DSC1: variants seen among roughly 807,000 people sequenced by gnomAD.
DSC1 encodes the protein desmocollin 1.
In DSC1, 79 loss-of-function variants were observed where a neutral mutation model predicts 98.8. That is an observed-to-expected ratio of 0.80 (90% CI 0.67 to 0.96). The LOEUF (loss-of-function observed/expected upper bound fraction) is 0.96. DSC1 is among the 50% of genes least tolerant of loss of function. The pLI is 0.00. For missense variants in DSC1, 1,115 were observed against 1,075.9 expected (o/e 1.04, Z -0.51); for synonymous variants, 405 against 372.1 (o/e 1.09, Z -1.02).
intron 6 of DSC1, among the ~76,000 whole-genome samples, 194 bp downstream of exon 6, chr18:31,148,302 AGT>A (rs1988888887): frequency 6.6e-6 from 1 of 152,196 alleles, no homozygotes; most frequent in Non-Finnish European, 1.5e-5. Flanking sequence ...AATTTAAGAA[AGT>A]GTGCTCAGAG....
At position 31,132,559 on chromosome 18, in the gene DSC1, C is replaced by T. The variant is rs756230355; in HGVS notation, c.2238+9G>A. 3.7e-6 allele frequency: 6 copies of T among 1,612,262 alleles called. No individual in the cohort carries two copies. In the Admixed American group the frequency reaches 1.0e-4, roughly 27 times the overall value. ...CGTACAATTCAAAGGGATGTGAAAT[C>T]TGATTTACCGTTACTTCTTCTCCAG... On this transcript the variant is annotated intron_variant, in intron 14 of 15. Transcript: ENST00000257198.
At position 31,140,140 on chromosome 18, in the gene DSC1, T is replaced by A; in HGVS notation, c.1422A>T (p.Pro474=). The A allele has an allele frequency of 6.2e-7, 1 of 1,614,028 alleles. No individual in the cohort carries two copies. Among genetic ancestry groups the A allele is most frequent in the Non-Finnish European group, 8.5e-7 (1 of 1,179,934 alleles). The change falls in exon 10 of 16, where the codon CCA becomes CCT. Residue 474 remains proline, a synonymous_variant. Transcript: ENST00000257198. ...DSDEGPECHP[P]VKVIQSQDGF... ...CATCTTGACTCTGAATAACTTTCAC[T>A]GGAGGGTGGCATTCAGGGCCCTCAT...
intron 9 of DSC1, among the ~76,000 whole-genome samples, chr18:31,141,101 A>G (rs1409480221): frequency 1.3e-5 from 2 of 152,172 alleles, no homozygotes; most frequent in African/African-American, 4.8e-5. Flanking sequence ...AAGTCCAATT[A>G]AACCTCTTTT....
rs763321997 is a variant in DSC1 at position 31,139,868 on chromosome 18, C to T, written c.1543G>A (p.Asp515Asn). 4.4e-6 allele frequency: 7 copies of T among 1,609,148 alleles called. No homozygotes were observed. In the Admixed American group the frequency reaches 1.2e-4, roughly 28 times the overall value. ...GLRYQKLGDE[D>N]NWFEINQHTG... ...TGTTGATTAATTTCAAACCAGTTAT[C>T]TTCATCCCCTAACTTCTGATACCTA... The change falls in exon 11 of 16, where the codon GAT becomes AAT. Residue 515 changes from aspartate to asparagine, a missense_variant. By Grantham distance (23) the Asp-to-Asn change is conservative (BLOSUM62 1). Transcript: ENST00000257198.
At position 31,148,626 on chromosome 18, in the gene DSC1, G is replaced by A. The variant is rs1374388163; in HGVS notation, c.644C>T (p.Thr215Ile). 2 of 1,592,622 alleles carry A rather than the reference G, an allele frequency of 1.3e-6. No individual in the cohort carries two copies. The highest frequency in any genetic ancestry group is 1.3e-5 in the African/African-American group (1 of 74,590). ...YEQFALYGYA[T>I]TADGYAPEYP... ...TTCTGGTGCATAGCCATCTGCAGTT[G>A]TTGCATAGCCATATAACTGAAAGAA... Residue 215 changes from threonine (T) to isoleucine (I), a missense_variant, in exon 6 of 16, where the codon ACA (threonine) becomes ATA (isoleucine). Coordinates refer to ENST00000257198, the MANE Select transcript of DSC1 (RefSeq NM_024421.2).
At chr18:31,157,081 G>C (rs970138948) in intron 3 of DSC1, among the ~76,000 whole-genome samples, 3 of 152,098 alleles carry the variant, frequency 2.0e-5, no homozygotes, top group African/African-American at 4.8e-5. Context: ...TCTTGTCCTT[G>C]CTCCTCAGGT....
At chr18:31,139,600 T>C in intron 11 of DSC1, 148 bp downstream of exon 11, 1 of 823,870 alleles carries the variant, frequency 1.2e-6, no homozygotes, top group Non-Finnish European at 1.8e-6. Flanking sequence ...CACTGAAGCC[T>C]AAACTGGGTG....
chr18:31,155,294 A>G (rs1989074602), intron 4 of DSC1, among the ~76,000 whole-genome samples: 1 of 152,218 alleles, frequency 6.6e-6, no homozygotes, highest in African/African-American at 2.4e-5. Flanking sequence ...TAATAAAACT[A>G]GAAGTAAAGC....
rs774212772 is a variant in DSC1 at position 31,159,538 on chromosome 18, A to T, written c.64-9T>A. The stretch of plus-strand genomic sequence containing the variant: ...CAAAGTAATGTTAAAACCTCAAAAA[A>T]AAAAAAAGAAAAAATATCAGGAATT... On this transcript the variant is annotated splice_polypyrimidine_tract_variant and intron_variant, in intron 1 of 15. Transcript: ENST00000257198. The T allele has an allele frequency of 6.3e-7, 1 of 1,585,246 alleles. No homozygotes were observed. Among genetic ancestry groups the T allele is most frequent in the Admixed American group, 1.9e-5 (1 of 52,238 alleles).
intron 2 of DSC1, among the ~76,000 whole-genome samples, chr18:31,159,154 C>T (rs9959257): frequency 0.11 from 9,992 of 88,298 alleles, 2,769 homozygotes; most frequent in East Asian, 0.29. Flanking sequence ...CTTGGGTTCA[C>T]GCCATTCTCC....
chr18:31,162,401 T>C, intron 1 of DSC1, 131 bp downstream of exon 1: 1 of 824,010 alleles, frequency 1.2e-6, no homozygotes, highest in Admixed American at 2.2e-5. Context: ...CTTCCTCAGA[T>C]CTGCTTTTGT....
At chr18:31,138,962 G>T (rs1203416663) in intron 11 of DSC1, among the ~76,000 whole-genome samples, 1 of 151,922 alleles carries the variant, frequency 6.6e-6, no homozygotes, top group Non-Finnish European at 1.5e-5. Context: ...ATGGAAGAGT[G>T]TAGCTTCTAC....
rs912230926 is a variant in DSC1, at chr18:31,139,407, GA to G, written c.1663+340del. On this transcript the variant is annotated intron_variant, in intron 11 of 15. Transcript: ENST00000257198. ...ATAATGTATCTAAACCTGTACTTCT[GA>G]AAAAAAACGGTGATCCTTGAGTATG... Among the ~76,000 whole-genome samples, 4 of 151,496 alleles carry G rather than the reference GA, an allele frequency of 2.6e-5. No individual in the cohort carries two copies. The East Asian group carries it at 5.8e-4, about 22-fold the overall frequency.
Position 31,131,719 on chromosome 18 carries a change from T to C in DSC1, c.2362A>G (p.Thr788Ala). ...QSFEMVKGGY[T>A]LDSNKGGGHQ... ...CCACCTCCTTTGTTGGAATCCAAAG[T>C]GTAGCCTCCTTTGACCATCTCAAAA... The change falls in exon 15 of 16, where the codon ACT (threonine) becomes GCT (alanine). Residue 788 changes from threonine to alanine, a missense_variant. Thr to Ala is a moderately conservative substitution (Grantham distance 58). Coordinates refer to ENST00000257198, the MANE Select transcript of DSC1 (RefSeq NM_024421.2). The C allele has an allele frequency of 6.2e-7, 1 of 1,614,136 alleles. No individual in the cohort carries two copies.
intron 11 of DSC1, among the ~76,000 whole-genome samples, chr18:31,136,418 C>T (rs1157708958): frequency 2.6e-5 from 4 of 152,122 alleles, no homozygotes; most frequent in Non-Finnish European, 5.9e-5. Context: ...TATAGTAACG[C>T]AAATCAAGAT....
intron 1 of DSC1, among the ~76,000 whole-genome samples, chr18:31,161,683 AT>A (rs1237659135): frequency 6.6e-6 from 1 of 152,098 alleles, no homozygotes; most frequent in Non-Finnish European, 1.5e-5. Flanking sequence ...CCTTTGAAAC[AT>A]TTTTACCACA....
chr18:31,142,553 TC>T (rs1386498189), intron 8 of DSC1, among the ~76,000 whole-genome samples: 1 of 152,166 alleles, frequency 6.6e-6, no homozygotes, highest in Non-Finnish European at 1.5e-5. Flanking sequence ...TATTAAACAC[TC>T]AGTACTTGTA....
Position 31,131,491 on chromosome 18 carries a change from T to C in DSC1, c.2487+103A>G. 5 of 1,407,240 alleles carry C rather than the reference T, an allele frequency of 3.6e-6. No homozygotes were observed. The South Asian group carries it at 5.5e-5, about 15-fold the overall frequency. The allele number at this position is 1,407,240 out of a possible 1,614,324, so 87.2% of individuals were successfully genotyped here. On this transcript the variant is annotated intron_variant, in intron 15 of 15. Coordinates refer to ENST00000257198, the MANE Select transcript of DSC1 (RefSeq NM_024421.2). The stretch of plus-strand genomic sequence containing the variant: ...CTATGATAATCCAACAGGTAAAAGA[T>C]GTTGAATTCCAGGTATATGAGGAGT...
intron 5 of DSC1, among the ~76,000 whole-genome samples, chr18:31,150,120 C>T (rs1345269048): frequency 6.7e-6 from 1 of 149,194 alleles, no homozygotes; most frequent in Non-Finnish European, 1.5e-5. Context: ...GCCATCACCA[C>T]CATCTCCACC....
Sources: allele counts gnomAD v4.1 joint callset (sites outside exome capture counted in the v4.1 genomes callset), GRCh38; gene constraint gnomAD v4.1.1; transcripts MANE v1.5; gene names NCBI Gene and HGNC (gene_info 2026-07-23, HGNC 2026-07-21).